The following AKAP6 variants were observed in gnomAD, a reference collection of about 807,000 sequenced individuals.
AKAP6 encodes A-kinase anchoring protein 6, also known as A-kinase anchor protein 6.
In AKAP6, 58 loss-of-function variants were observed where a neutral mutation model predicts 188.5. The observed-to-expected ratio is 0.31, with a 90% CI of 0.25 to 0.38. The LOEUF is 0.38. Among genes scored for constraint, AKAP6 ranks in the 10% least tolerant of loss-of-function variants. The pLI, the probability that AKAP6 is intolerant of heterozygous loss-of-function variation, is 1.00. For synonymous variants in AKAP6, 989 were observed against 998.6 expected, an observed-to-expected ratio of 0.99 and a Z score of 0.18; for missense variants, 2,710 against 2,740.0, an observed-to-expected ratio of 0.99 and a Z score of 0.24.
At chr14:32,495,127 A>G (rs868837566) in intron 2 of AKAP6, 1 of 152,212 alleles carries the variant, frequency 6.6e-6, no homozygotes, top group African/African-American at 2.4e-5. Flanking sequence ...ACAGTTCATA[A>G]CAAGTGTCTA....
chr14:32,341,979 T>C (rs1489488800), intron 1 of AKAP6, among the ~76,000 whole-genome samples: 1 of 152,208 alleles, frequency 6.6e-6, no homozygotes, highest in Non-Finnish European at 1.5e-5. Context: ...GTCACTGCAC[T>C]CTATCCTGGG....
intron 3 of AKAP6, among the ~76,000 whole-genome samples, chr14:32,539,759 A>G (rs1882838148): frequency 6.6e-6 from 1 of 152,118 alleles, no homozygotes; most frequent in Non-Finnish European, 1.5e-5. Flanking sequence ...GTTGTACTTC[A>G]CAGTTGCTTG....
rs530538512 is a variant in AKAP6 at position 32,464,332 on chromosome 14, G to C, written c.324+30515G>C. On this transcript the variant is annotated intron_variant, in intron 2 of 13. Transcript: ENST00000280979. ...GCCAATAACCCTGATGAACATTGAC[G>C]TGAAAATCCTCAATAAAAATACTGG... is the stretch of plus-strand genomic sequence containing the variant. Among the ~76,000 whole-genome samples the C allele has an allele frequency of 1.1e-3, 171 of 152,300 alleles. 1 individual carries two copies. The highest frequency in any genetic ancestry group is 3.9e-3 in the African/African-American group (161 of 41,564).
chr14:32,492,355 T>TATAGAGAGAGAGAGAGAGAGAGAGAGAG, intron 2 of AKAP6, among the ~76,000 whole-genome samples: 3 of 82,584 alleles, frequency 3.6e-5, no homozygotes, highest in African/African-American at 9.9e-5. Context: ...TATATATATA[T>TATAGAGAGAGAGAGAGAGAGAGAGAGAG]AGAGAGAGAG....
At chr14:32,657,074 A>G (rs1888483740) in intron 7 of AKAP6, among the ~76,000 whole-genome samples, 1 of 152,112 alleles carries the variant, frequency 6.6e-6, no homozygotes, top group Non-Finnish European at 1.5e-5. Flanking sequence ...GTGTCCTTGC[A>G]CCTATTTACA....
chr14:32,341,376 T>A lies in AKAP6; in HGVS notation c.-35+11968T>A, dbSNP rs115335279. Among the ~76,000 whole-genome samples the A allele has an allele frequency of 6.9e-3, 1,044 of 152,314 alleles. 11 individuals carry two copies. The highest frequency in any genetic ancestry group is 0.024 in the African/African-American group (1,002 of 41,572). On this transcript the variant is annotated intron_variant, in intron 1 of 13. Transcript: ENST00000280979. ...TCAAACGGTATGGAATTTCCATTGTTGTTGTCAAAAAATGGCCAAATATTA... is the reference window on the plus strand; with the variant it reads ...TCAAACGGTATGGAATTTCCATTGTAGTTGTCAAAAAATGGCCAAATATTA...
chr14:32,650,777 G>A (rs77938059), intron 7 of AKAP6, among the ~76,000 whole-genome samples: 2,166 of 152,130 alleles, frequency 0.014, 49 homozygotes, highest in African/African-American at 0.049. Flanking sequence ...CCTGTTTTGC[G>A]TTTACCTAGA....
intron 12 of AKAP6, among the ~76,000 whole-genome samples, chr14:32,817,061 C>T (rs1035412842): frequency 2.6e-5 from 4 of 152,150 alleles, no homozygotes; most frequent in African/African-American, 9.6e-5. Context: ...TATCTAGAGG[C>T]GGCTACATCA....
At chr14:32,374,947 A>G (rs1341648138) in intron 1 of AKAP6, among the ~76,000 whole-genome samples, 1 of 152,228 alleles carries the variant, frequency 6.6e-6, no homozygotes, top group African/African-American at 2.4e-5. Context: ...AGGTTTTAAG[A>G]TATGAAAATA....
At chr14:32,560,396 A>T (rs955679328) in intron 4 of AKAP6, among the ~76,000 whole-genome samples, 1 of 151,864 alleles carries the variant, frequency 6.6e-6, no homozygotes, top group African/African-American at 2.4e-5. Flanking sequence ...GTCCTGCCTC[A>T]GTTTGGTTTC....
At chr14:32,695,214 C>G (rs1890354105) in intron 8 of AKAP6, among the ~76,000 whole-genome samples, 2 of 152,106 alleles carry the variant, frequency 1.3e-5, no homozygotes, top group Non-Finnish European at 2.9e-5. Context: ...CTGTCCTTAC[C>G]TTTGTTTCCT....
intron 2 of AKAP6, among the ~76,000 whole-genome samples, chr14:32,453,927 T>C (rs1308074771): frequency 2.0e-5 from 3 of 152,220 alleles, no homozygotes; most frequent in Non-Finnish European, 4.4e-5. Flanking sequence ...AGAAATAAAA[T>C]CTTTTTCTCA....
chr14:32,523,169 G>T (rs939244197), intron 2 of AKAP6, among the ~76,000 whole-genome samples: 8 of 149,140 alleles, frequency 5.4e-5, no homozygotes, highest in African/African-American at 2.0e-4. Context: ...ACACACCGGG[G>T]CCTGTCTTGG....
intron 12 of AKAP6, among the ~76,000 whole-genome samples, chr14:32,777,805 A>T (rs2033114096): frequency 6.6e-6 from 1 of 152,142 alleles, no homozygotes; most frequent in Admixed American, 6.6e-5. Context: ...TGGTAGGCTG[A>T]GGTGGGAGGA....
At chr14:32,629,463 T>G (rs1391876350) in intron 7 of AKAP6, among the ~76,000 whole-genome samples, 2 of 149,892 alleles carry the variant, frequency 1.3e-5, no homozygotes, top group South Asian at 2.1e-4. Context: ...GTCATGTTTT[T>G]TTTTTTTTTT....
rs10658220 is a variant in AKAP6 at position 32,690,076 on chromosome 14, T to TACACACACACACACACAC, written c.2880-5887_2880-5870dup. The stretch of plus-strand genomic sequence containing the variant: ...AGATGTATTCTTAAGTGCCCCAAAA[T>TACACACACACACACACAC]ACACACACACACACACACACACACA... On this transcript the variant is annotated intron_variant, in intron 8 of 13. Coordinates refer to ENST00000280979, the MANE Select transcript of AKAP6 (RefSeq NM_004274.5). Among the ~76,000 whole-genome samples, 6 of 135,952 alleles carry TACACACACACACACACAC rather than the reference T, an allele frequency of 4.4e-5. No individual in the cohort carries two copies. The South Asian group carries it at 7.7e-4, about 17-fold the overall frequency. The allele number at this position is 135,952 out of a possible 152,430, so 89.2% of individuals were successfully genotyped here. A position where few individuals can be genotyped will look rare whatever the true frequency, so the allele number is the denominator to read the frequency against.
chr14:32,429,254 T>A (rs1308683687), intron 1 of AKAP6, among the ~76,000 whole-genome samples: 1 of 152,252 alleles, frequency 6.6e-6, no homozygotes, highest in African/African-American at 2.4e-5. Context: ...CAAGATGACT[T>A]GTAAACAAGA....
intron 4 of AKAP6, among the ~76,000 whole-genome samples, chr14:32,562,573 C>A (rs1204751108): frequency 1.3e-5 from 2 of 152,130 alleles, no homozygotes; most frequent in Non-Finnish European, 2.9e-5. Context: ...GCCTGGCCAA[C>A]ATGGTGAAAC....
At chr14:32,665,838 A>C (rs1341090477) in intron 7 of AKAP6, among the ~76,000 whole-genome samples, 2 of 152,164 alleles carry the variant, frequency 1.3e-5, no homozygotes, top group Non-Finnish European at 2.9e-5. Flanking sequence ...CAAGATGTTA[A>C]TGCCTGTGTA....
Sources: allele counts gnomAD v4.1 joint callset (sites outside exome capture counted in the v4.1 genomes callset), GRCh38; gene constraint gnomAD v4.1.1; transcripts MANE v1.5; gene names NCBI Gene and HGNC (gene_info 2026-07-23, HGNC 2026-07-21).